GABRQ: variants seen among roughly 807,000 people sequenced by gnomAD.
GABRQ encodes gamma-aminobutyric acid receptor subunit theta.
Under a neutral mutation model 30.5 loss-of-function variants are expected in GABRQ, and 19 were observed. The observed-to-expected ratio is 0.62, with a 90% CI of 0.43 to 0.91. GABRQ has a LOEUF of 0.91. GABRQ is among the 40% of genes least tolerant of loss of function. The pLI, the probability that GABRQ is intolerant of heterozygous loss-of-function variation, is 0.00. For synonymous variants in GABRQ, 187 were observed against 210.2 expected (o/e 0.89, Z 0.95); for missense variants, 520 against 521.4 (o/e 1.00, Z 0.03).
downstream of GABRQ, among the ~76,000 whole-genome samples, chrX:152,658,177 G>A (rs782353142): frequency 1.3e-4 from 14 of 111,597 alleles, no homozygotes. Context: ...CACTCTGTGT[G>A]CCCTTGGACA....
chrX:152,638,485 T>G, intron 1 of GABRQ, 134 bp downstream of exon 1: 1 of 587,259 alleles, frequency 1.7e-6, no homozygotes, highest in Non-Finnish European at 2.7e-6. Flanking sequence ...CGCTGAGCCC[T>G]GGCGCCCGGG....
chrX:152,645,520 C>T lies in GABRQ; in HGVS notation c.239-7C>T. On this transcript the variant is annotated splice_polypyrimidine_tract_variant and splice_region_variant and intron_variant, in intron 2 of 8. Coordinates refer to ENST00000598523, the MANE Select transcript of GABRQ (RefSeq NM_018558.4). The stretch of plus-strand genomic sequence containing the variant: ...CTTTCGTGTAACTGTGTCTTTCTGT[C>T]TTCTAGGTGCCCCTGTGCCTGTGAG... The T allele has an allele frequency of 3.7e-6, 4 of 1,078,989 alleles. No individual in the cohort carries two copies. The highest frequency in any genetic ancestry group is 5.2e-6 in the Non-Finnish European group (4 of 774,641). The allele number at this position is 1,078,989 out of a possible 1,213,427, so 88.9% of individuals were successfully genotyped here.
chrX:152,649,732 T>C lies in GABRQ; in HGVS notation c.611-10T>C. ...GAATCTGAGACTACCTCTGTTTCTC[T>C]CCTTCCCAGATGGTTACACGGTTGA... On this transcript the variant is annotated splice_polypyrimidine_tract_variant and intron_variant, in intron 5 of 8. Coordinates refer to ENST00000598523, the MANE Select transcript of GABRQ (RefSeq NM_018558.4). 8.5e-7 allele frequency: 1 copy of C among 1,183,013 alleles called. No individual in the cohort carries two copies. Among genetic ancestry groups the C allele is most frequent in the Non-Finnish European group, 1.1e-6 (1 of 871,686 alleles).
At chrX:152,644,264 TCA>T (rs1930831699) in intron 2 of GABRQ, among the ~76,000 whole-genome samples, 1 of 111,662 alleles carries the variant, frequency 9.0e-6, no homozygotes, top group Non-Finnish European at 1.9e-5. Flanking sequence ...AAACACATGC[TCA>T]CACATACACA....
Position 152,654,408 on chromosome X carries a change from A to G in GABRQ, c.*1127A>G, listed in dbSNP as rs1602829265. The G allele has an allele frequency of 8.9e-6, 1 of 112,095 alleles. No homozygotes were observed. Among genetic ancestry groups the G allele is most frequent in the African/African-American group, 3.2e-5 (1 of 30,826 alleles). The allele number at this position is 112,095 out of a possible 1,213,427, so 9.2% of individuals were successfully genotyped here. ...GCACATTGTCCCCAGTGTTCCAAGGAAAACGAATGGAGCTTATGCCGCATG... is the reference window on the plus strand; with the variant it reads ...GCACATTGTCCCCAGTGTTCCAAGGGAAACGAATGGAGCTTATGCCGCATG... On this transcript the variant is annotated 3_prime_UTR_variant, in exon 9 of 9. Coordinates refer to ENST00000598523, the MANE Select transcript of GABRQ (RefSeq NM_018558.4).
intron 3 of GABRQ, 118 bp from the exon 4 acceptor site, chrX:152,646,830 A>G: frequency 4.0e-6 from 2 of 501,699 alleles, no homozygotes; most frequent in Non-Finnish European, 7.2e-6. Flanking sequence ...TAGTTATGAT[A>G]TACTTCATAC....
Position 152,649,764 on chromosome X carries a change from C to A in GABRQ, c.633C>A (p.Ile211=). 1 of 1,185,242 alleles carries A rather than the reference C, an allele frequency of 8.4e-7. No homozygotes were observed. The highest frequency in any genetic ancestry group is 1.1e-6 in the Non-Finnish European group (1 of 871,899). Residue 211 remains isoleucine, a synonymous_variant, in exon 6 of 9, where the codon ATC becomes ATA. Coordinates refer to ENST00000598523, the MANE Select transcript of GABRQ (RefSeq NM_018558.4). ...CAGATGGTTACACGGTTGAAGACAT[C>A]ATATTATTCTGGGATGACAATGGGA... ...VESYGYTVED[I]ILFWDDNGNA... is the part of the protein sequence containing the mutation.
Position 152,654,227 on chromosome X carries a change from A to G in GABRQ, c.*946A>G, listed in dbSNP as rs1017872358. 8.9e-6 allele frequency: 1 copy of G among 112,085 alleles called. No individual in the cohort carries two copies. The highest frequency in any genetic ancestry group is 3.2e-5 in the African/African-American group (1 of 30,795). The allele number at this position is 112,085 out of a possible 1,213,427, so 9.2% of individuals were successfully genotyped here. On this transcript the variant is annotated 3_prime_UTR_variant, in exon 9 of 9. Transcript: ENST00000598523. ...AAGGTTAGGATAATTCACACTTGCT[A>G]TTTTACCATCTGATCTAGACTAGCA...
intron 2 of GABRQ, among the ~76,000 whole-genome samples, chrX:152,641,732 A>T (rs1166326017): frequency 1.8e-5 from 2 of 112,655 alleles, no homozygotes; most frequent in African/African-American, 6.4e-5. Context: ...GTGGATCCCC[A>T]AGGGATAAAG....
intron 2 of GABRQ, among the ~76,000 whole-genome samples, chrX:152,642,595 T>C (rs781817747): frequency 1.8e-5 from 2 of 112,524 alleles, no homozygotes; most frequent in Non-Finnish European, 3.8e-5. Context: ...GCACCCGATA[T>C]TGTGAAGGAA....
Position 152,638,237 on chromosome X carries a change from T to C in GABRQ, c.35T>C (p.Ile12Thr), listed in dbSNP as rs1332962724. ...CGAGGCATGCTGCGAGCCGCAGTGA[T>C]CCTGCTGCTCATCAGGACCTGGCTC... ...GIRGMLRAAV[I>T]LLLIRTWLAE... The change falls in exon 1 of 9, where the codon ATC becomes ACC. Residue 12 changes from isoleucine (I) to threonine (T), a missense_variant. Ile to Thr is a moderately conservative substitution (Grantham distance 89, BLOSUM62 -1). Coordinates refer to ENST00000598523, the MANE Select transcript of GABRQ (RefSeq NM_018558.4). The C allele has an allele frequency of 8.3e-7, 1 of 1,210,815 alleles. No homozygotes were observed. The highest frequency in any genetic ancestry group is 1.1e-6 in the Non-Finnish European group (1 of 894,254).
At position 152,652,833 on chromosome X, in the gene GABRQ, A is replaced by T. The variant is rs1556820510; in HGVS notation, c.1451A>T (p.Asn484Ile). 8.3e-7 allele frequency: 1 copy of T among 1,209,176 alleles called. No individual in the cohort carries two copies. Among genetic ancestry groups the T allele is most frequent in the East Asian group, 3.0e-5 (1 of 33,735 alleles). The change falls in exon 9 of 9, where the codon AAC becomes ATC. Residue 484 changes from asparagine (N) to isoleucine (I), a missense_variant. Physicochemically the swap from Asn to Ile is moderately radical, Grantham distance 149. Transcript: ENST00000598523. ...DDSIIPTEIRNRVEAHGHGVT... is the reference protein window; with the variant it reads ...DDSIIPTEIRIRVEAHGHGVT... ...AGTATTATTCCTACCGAAATCCGCA[A>T]CCGTGTCGAAGCCCATGGCCATGGT...
At chrX:152,647,673 G>A (rs1047493984) in intron 4 of GABRQ, among the ~76,000 whole-genome samples, 1 of 111,733 alleles carries the variant, frequency 8.9e-6, no homozygotes, top group Non-Finnish European at 1.9e-5. Flanking sequence ...AGGGCCTCCA[G>A]GAGTGCGGAG....
In GABRQ at chrX:152,637,956, GGGAGCTGCGTCCAGC is replaced by G. The variant is rs1930649318; in HGVS notation, c.-246_-232del. ...TCGCAGCTGCCGGGCGGGCCCTGGG[GGGAGCTGCGTCCAGC>G]AGAGCTGCTGGGTGGTTGCTCCTCC... On this transcript the variant is annotated 5_prime_UTR_variant, in exon 1 of 9. Transcript: ENST00000598523. Among the ~76,000 whole-genome samples, 1 of 113,318 alleles carries G rather than the reference GGGAGCTGCGTCCAGC, an allele frequency of 8.8e-6. No homozygotes were observed. Among genetic ancestry groups the G allele is most frequent in the Admixed American group, 9.2e-5 (1 of 10,875 alleles).
chrX:152,651,146 C>T (rs1170016543), intron 7 of GABRQ, among the ~76,000 whole-genome samples: 1 of 112,141 alleles, frequency 8.9e-6, no homozygotes, highest in Non-Finnish European at 1.9e-5. Flanking sequence ...GTGGGGCAGA[C>T]TCCTCAGCCT....
At position 152,637,911 on chromosome X, in the gene GABRQ, G is replaced by C. The variant is rs1035608779; in HGVS notation, c.-292G>C. ...TCTGTGCCCAGTCGCAGCCAGGAGC[G>C]GCCGCAGACGGAGCGCACCTCGCAG... On this transcript the variant is annotated 5_prime_UTR_variant, in exon 1 of 9. Coordinates refer to ENST00000598523, the MANE Select transcript of GABRQ (RefSeq NM_018558.4). Among the ~76,000 whole-genome samples the C allele has an allele frequency of 5.3e-5, 6 of 113,423 alleles. No homozygotes were observed. The highest frequency in any genetic ancestry group is 9.4e-5 in the Non-Finnish European group (5 of 53,372).
intron 2 of GABRQ, among the ~76,000 whole-genome samples, chrX:152,641,367 TC>T (rs1930752467): frequency 8.9e-6 from 1 of 112,882 alleles, no homozygotes; most frequent in African/African-American, 3.2e-5. Flanking sequence ...CAAAGGAAGC[TC>T]CCACTCCAAA....
In GABRQ at chrX:152,647,048, A is replaced by G. The variant is rs782567078; in HGVS notation, c.407A>G (p.Glu136Gly). Residue 136 changes from glutamate (E) to glycine (G), a missense_variant, in exon 4 of 9, where the codon GAG (glutamate) becomes GGG (glycine). Coordinates refer to ENST00000598523, the MANE Select transcript of GABRQ (RefSeq NM_018558.4). ...LNLTLDYRMH[E>G]KLWVPDCYFL... is the part of the protein sequence containing the mutation. ...TTGACCCTGGACTATCGGATGCATG[A>G]GAAGTTGTGGGTCCCTGACTGCTAC... is the stretch of plus-strand genomic sequence containing the variant. 46 of 1,203,215 alleles carry G rather than the reference A, an allele frequency of 3.8e-5. No homozygotes were observed. The highest frequency in any genetic ancestry group is 5.3e-5 in the African/African-American group (3 of 57,009).
chrX:152,647,542 A>C (rs1930918532), intron 4 of GABRQ, among the ~76,000 whole-genome samples: 1 of 111,877 alleles, frequency 8.9e-6, no homozygotes, highest in African/African-American at 3.3e-5. Flanking sequence ...TGTTGCATGC[A>C]TTCTGTTCTT....
Sources: gnomAD v4.1 joint callset for allele counts (sites outside exome capture counted in the v4.1 genomes callset) on GRCh38, gnomAD v4.1.1 for gene constraint, MANE v1.5 for transcripts, NCBI Gene and HGNC (gene_info 2026-07-23, HGNC 2026-07-21) for gene names.